BRWD1: variants seen among roughly 807,000 people sequenced by gnomAD.
The protein encoded by BRWD1 is bromodomain and WD repeat domain containing 1.
A neutral mutation model predicts 251.2 loss-of-function variants in BRWD1; 82 were observed. That is an observed-to-expected ratio of 0.33 (90% CI 0.27 to 0.39). The LOEUF is 0.39. BRWD1 is among the 10% of genes least tolerant of loss of function. The probability of loss-of-function intolerance (pLI) is 1.00; values close to 1 mark genes in which losing one functional copy is unlikely to be tolerated. For missense variants in BRWD1, 2,233 were observed against 2,711.6 expected, an observed-to-expected ratio of 0.82 and a Z score of 3.92; for synonymous variants, 918 against 902.8, an observed-to-expected ratio of 1.02 and a Z score of -0.30.
intron 21 of BRWD1, among the ~76,000 whole-genome samples, chr21:39,241,967 T>C: frequency 6.6e-6 from 1 of 152,234 alleles, no homozygotes; most frequent in East Asian, 1.9e-4. Context: ...ATGAATACCA[T>C]GTGTGTTCTG....
At chr21:39,312,798 C>T in intron 4 of BRWD1, 43 bp downstream of exon 4, 4 of 1,520,668 alleles carry the variant, frequency 2.6e-6, no homozygotes, top group South Asian at 1.2e-5. Flanking sequence ...GGGCGGGGGG[C>T]GGTGCACGGA....
intron 18 of BRWD1, 137 bp from the exon 19 acceptor site, chr21:39,255,965 T>G: frequency 1.2e-6 from 1 of 807,404 alleles, no homozygotes; most frequent in Non-Finnish European, 1.9e-6. Flanking sequence ...CTGAAAAAAC[T>G]TTGTGAGAAA....
intron 8 of BRWD1, among the ~76,000 whole-genome samples, chr21:39,289,710 C>T (rs1355446587): frequency 6.6e-6 from 1 of 152,174 alleles, no homozygotes; most frequent in Non-Finnish European, 1.5e-5. Flanking sequence ...TGTCTATCAA[C>T]TTCCGTTACT....
intron 21 of BRWD1, 112 bp downstream of exon 21, chr21:39,247,589 C>T (rs191681210): frequency 3.6e-6 from 4 of 1,097,816 alleles, no homozygotes; most frequent in African/African-American, 3.3e-5. Flanking sequence ...TCATATTAAT[C>T]TCTGCAGAAT....
chr21:39,246,123 C>T (rs978104323), intron 21 of BRWD1, among the ~76,000 whole-genome samples: 4 of 152,040 alleles, frequency 2.6e-5, no homozygotes, highest in Non-Finnish European at 5.9e-5. Context: ...AGACAACCCA[C>T]AGAATGGGAG....
At chr21:39,250,961 C>T (rs1338247449) in intron 19 of BRWD1, 72 bp from the exon 20 acceptor site, 3 of 859,838 alleles carry the variant, frequency 3.5e-6, no homozygotes, top group Non-Finnish European at 5.3e-6. Context: ...AGAATAAAAA[C>T]CAGTGTGATT....
At position 39,196,194 on chromosome 21, in the gene BRWD1, A is replaced by G; in HGVS notation, c.*65T>C. On this transcript the variant is annotated 3_prime_UTR_variant, in exon 41 of 41. Coordinates refer to ENST00000342449, the MANE Select transcript of BRWD1 (RefSeq NM_033656.4). ...AATTGTAAGACAAAAAAATAATTTTAACAGCCAGCTTTCACCATAAATGCC... is the reference window on the plus strand; with the variant it reads ...AATTGTAAGACAAAAAAATAATTTTGACAGCCAGCTTTCACCATAAATGCC... 2.0e-6 allele frequency: 3 copies of G among 1,488,490 alleles called. No individual in the cohort carries two copies. The highest frequency in any genetic ancestry group is 2.7e-6 in the Non-Finnish European group (3 of 1,123,470). 92.2% of individuals were successfully genotyped at this position (1,488,490 alleles called of 1,614,324 possible).
chr21:39,236,592 T>C lies in BRWD1; in HGVS notation c.2766+3A>G. On this transcript the variant is annotated splice_donor_region_variant and intron_variant, in intron 23 of 40. Coordinates refer to ENST00000342449, the MANE Select transcript of BRWD1 (RefSeq NM_033656.4). The stretch of plus-strand genomic sequence containing the variant: ...GCTATTTTTAAAGATACGTTTTTCT[T>C]ACCTCCTTCTTAGGCTTATTTTCTT... 8 of 1,584,778 alleles carry C rather than the reference T, an allele frequency of 5.0e-6. No individual in the cohort carries two copies. Among genetic ancestry groups the C allele is most frequent in the Non-Finnish European group, 6.9e-6 (8 of 1,163,994 alleles).
chr21:39,313,786 C>T, upstream of BRWD1: 1 of 380,358 alleles, frequency 2.6e-6, no homozygotes, highest in Non-Finnish European at 4.8e-6. Flanking sequence ...TCCGGGGACT[C>T]GATGAGGAGA....
At chr21:39,264,049 C>T (rs555857518) in intron 17 of BRWD1, among the ~76,000 whole-genome samples, 1 of 152,266 alleles carries the variant, frequency 6.6e-6, no homozygotes, top group East Asian at 1.9e-4. Flanking sequence ...TGACAACCTG[C>T]TCCAGATTAC....
At chr21:39,239,309 GTTTT>G (rs1251515178) in intron 21 of BRWD1, among the ~76,000 whole-genome samples, 2 of 152,016 alleles carry the variant, frequency 1.3e-5, no homozygotes, top group Admixed American at 6.5e-5. Context: ...AAGTTTTATG[GTTTT>G]TTTGTTTTAC....
intron 20 of BRWD1, among the ~76,000 whole-genome samples, chr21:39,249,709 CTTAAT>C (rs549495813): frequency 3.0e-4 from 45 of 152,168 alleles, no homozygotes; most frequent in Non-Finnish European, 5.7e-4. Flanking sequence ...CTGAATGTTC[CTTAAT>C]TTGTCAGTAC....
intron 9 of BRWD1, among the ~76,000 whole-genome samples, chr21:39,279,285 A>C (rs148985570): frequency 2.8e-3 from 434 of 152,332 alleles, no homozygotes; most frequent in African/African-American, 0.01. Flanking sequence ...TATTTTATCT[A>C]TATTTGGATT....
intron 19 of BRWD1, among the ~76,000 whole-genome samples, chr21:39,252,417 T>C (rs1005792551): frequency 6.6e-6 from 1 of 152,144 alleles, no homozygotes; most frequent in African/African-American, 2.4e-5. Context: ...TTTATATCTA[T>C]TACTCCAATT....
intron 8 of BRWD1, among the ~76,000 whole-genome samples, chr21:39,284,018 T>C (rs1215404956): frequency 6.6e-6 from 1 of 152,224 alleles, no homozygotes; most frequent in African/African-American, 2.4e-5. Context: ...TCTACACATT[T>C]TGAGTGACTA....
At position 39,212,611 on chromosome 21, in the gene BRWD1, G is replaced by A; in HGVS notation, c.3900+55C>T. The A allele has an allele frequency of 5.1e-6, 7 of 1,367,022 alleles. No individual in the cohort carries two copies. In the South Asian group the frequency reaches 7.5e-5, roughly 15 times the overall value. 84.7% of individuals were successfully genotyped at this position (1,367,022 alleles called of 1,614,324 possible). On this transcript the variant is annotated intron_variant, in intron 34 of 40. Coordinates refer to ENST00000342449, the MANE Select transcript of BRWD1 (RefSeq NM_033656.4). ...AAGACAAAAACTAAAATCCTGAATT[G>A]ATTTTAAAACAAAGAAAAAGAAACT...
intron 8 of BRWD1, among the ~76,000 whole-genome samples, chr21:39,291,661 CAGG>C (rs1262856002): frequency 6.6e-6 from 1 of 152,318 alleles, no homozygotes; most frequent in East Asian, 1.9e-4. Context: ...TGCACAAGGC[CAGG>C]AGAAGGACCA....
At chr21:39,223,206 T>TGC (rs538480212) in intron 29 of BRWD1, among the ~76,000 whole-genome samples, 13 of 152,202 alleles carry the variant, frequency 8.5e-5, no homozygotes, top group African/African-American at 1.4e-4. Flanking sequence ...CACTGCAATG[T>TGC]GCTAGCTGTA....
chr21:39,238,877 T>C (rs1367042925), intron 21 of BRWD1, among the ~76,000 whole-genome samples: 1 of 152,184 alleles, frequency 6.6e-6, no homozygotes, highest in Non-Finnish European at 1.5e-5. Flanking sequence ...TGTTTTCCAT[T>C]TTGGACTTTA....
Sources: gnomAD v4.1 joint callset for allele counts (sites outside exome capture counted in the v4.1 genomes callset) on GRCh38, gnomAD v4.1.1 for gene constraint, MANE v1.5 for transcripts, NCBI Gene and HGNC (gene_info 2026-07-23, HGNC 2026-07-21) for gene names.